PKD2: variants seen among roughly 807,000 people sequenced by gnomAD.
PKD2 encodes the protein polycystin-2.
PKD2 carries 48 observed loss-of-function variants against 105.9 expected under a neutral mutation model. That is an observed-to-expected ratio of 0.45 (90% CI 0.36 to 0.58). PKD2 has a LOEUF of 0.58. Among genes scored for constraint, PKD2 ranks in the 20% least tolerant of loss-of-function variants. The probability of loss-of-function intolerance (pLI) is 0.00; values close to 1 mark genes in which losing one functional copy is unlikely to be tolerated. For missense variants in PKD2, 1,078 were observed against 1,255.3 expected, an observed-to-expected ratio of 0.86 and a Z score of 2.13; for synonymous variants, 464 against 481.1, an observed-to-expected ratio of 0.96 and a Z score of 0.46.
rs377151072 is a variant in PKD2, at chr4:88,023,567, A to AT, written c.709+4004dup. Among the ~76,000 whole-genome samples the AT allele has an allele frequency of 4.6e-3, 698 of 152,130 alleles. 5 individuals are homozygous for AT. The highest frequency in any genetic ancestry group is 0.016 in the African/African-American group (650 of 41,482). On this transcript the variant is annotated intron_variant, in intron 2 of 14. Coordinates refer to ENST00000237596, the MANE Select transcript of PKD2 (RefSeq NM_000297.4). ...GTTTGGCACAGTAAGAAAAGTACAGATTTTTTTTGCATCAGACAGACCTGA... is the reference window on the plus strand; with the variant it reads ...GTTTGGCACAGTAAGAAAAGTACAGATTTTTTTTTGCATCAGACAGACCTGA...
chr4:88,070,910 C>T (rs1721009473), intron 13 of PKD2, among the ~76,000 whole-genome samples: 1 of 151,886 alleles, frequency 6.6e-6, no homozygotes, highest in South Asian at 2.1e-4. Context: ...GCTGGGGTCA[C>T]AGGTATGAGC....
At chr4:88,028,161 C>A (rs1192304322) in intron 2 of PKD2, among the ~76,000 whole-genome samples, 3 of 152,310 alleles carry the variant, frequency 2.0e-5, no homozygotes, top group Admixed American at 1.3e-4. Context: ...ATTTGTTTAT[C>A]TCTGAAAGAA....
chr4:88,050,910 A>C (rs117699684), intron 6 of PKD2, among the ~76,000 whole-genome samples: 2 of 152,118 alleles, frequency 1.3e-5, no homozygotes, highest in African/African-American at 2.4e-5. Flanking sequence ...TGGGACCATG[A>C]TCTCTATGGT....
chr4:88,053,573 C>T (rs114211673), intron 7 of PKD2, among the ~76,000 whole-genome samples: 1 of 151,546 alleles, frequency 6.6e-6, no homozygotes, highest in African/African-American at 2.4e-5. Context: ...GGGAGGATTG[C>T]TTGAATCCAG....
intron 2 of PKD2, among the ~76,000 whole-genome samples, chr4:88,021,219 T>A (rs1207769909): frequency 1.3e-5 from 2 of 152,220 alleles, no homozygotes; most frequent in Non-Finnish European, 2.9e-5. Context: ...CAAAACTGAC[T>A]GAGCATTAGA....
chr4:88,023,745 T>G (rs1368147346), intron 2 of PKD2, among the ~76,000 whole-genome samples: 2 of 152,248 alleles, frequency 1.3e-5, no homozygotes, highest in African/African-American at 4.8e-5. Flanking sequence ...TAGGATGCTG[T>G]CTGTCATACA....
At chr4:88,074,268 G>C (rs1721145060) in intron 13 of PKD2, among the ~76,000 whole-genome samples, 1 of 152,154 alleles carries the variant, frequency 6.6e-6, no homozygotes, top group African/African-American at 2.4e-5. Flanking sequence ...TTCCACCTCA[G>C]CCTCGCAAGT....
chr4:88,056,160 G>C lies in PKD2; in HGVS notation c.1791G>C (p.Leu597=), dbSNP rs775625908. 6.2e-7 allele frequency: 1 copy of C among 1,612,506 alleles called. No homozygotes were observed. Among genetic ancestry groups the C allele is most frequent in the African/African-American group, 1.3e-5 (1 of 74,860 alleles). ...CCATGTCTCGATGTGCCAAAGACCT[G>C]TTTGGCTTTGCTATTATGTTCTTCA... The part of the protein sequence containing the change: ...STTMSRCAKD[L]FGFAIMFFII... The change falls in exon 8 of 15, where the codon CTG becomes CTC. Residue 597 remains leucine (L), a synonymous_variant. Coordinates refer to ENST00000237596, the MANE Select transcript of PKD2 (RefSeq NM_000297.4).
intron 1 of PKD2, among the ~76,000 whole-genome samples, chr4:88,013,221 G>A (rs1230643078): frequency 6.6e-6 from 1 of 152,154 alleles, no homozygotes; most frequent in Non-Finnish European, 1.5e-5. Flanking sequence ...CTTTGGGGTT[G>A]TGGTAAGGTT....
At chr4:88,013,744 G>C (rs1180118620) in intron 1 of PKD2, among the ~76,000 whole-genome samples, 2 of 151,960 alleles carry the variant, frequency 1.3e-5, no homozygotes, top group East Asian at 3.9e-4. Flanking sequence ...GATTTACCTG[G>C]AGAGGTCAGA....
At chr4:88,070,228 T>G (rs1271007391) in intron 13 of PKD2, among the ~76,000 whole-genome samples, 1 of 152,206 alleles carries the variant, frequency 6.6e-6, no homozygotes, top group Non-Finnish European at 1.5e-5. Flanking sequence ...CCCTTGTACA[T>G]GATGACTCAA....
chr4:88,019,327 AT>A, intron 1 of PKD2, 130 bp from the exon 2 acceptor site: 1 of 628,380 alleles, frequency 1.6e-6, no homozygotes, highest in East Asian at 2.8e-5. Flanking sequence ...TCAAAATGTG[AT>A]TAAAAAAAAA....
chr4:88,031,974 G>A (rs1298332954), intron 2 of PKD2, among the ~76,000 whole-genome samples: 2 of 152,054 alleles, frequency 1.3e-5, no homozygotes, highest in East Asian at 1.9e-4. Flanking sequence ...AAAATATTTT[G>A]TTCCTGATAA....
intron 2 of PKD2, among the ~76,000 whole-genome samples, chr4:88,026,881 A>G (rs570564085): frequency 2.3e-4 from 35 of 152,326 alleles, no homozygotes; most frequent in African/African-American, 8.2e-4. Flanking sequence ...AGAGGGTACA[A>G]ATCCCAAGCA....
At chr4:88,048,252 C>A (rs1282455140) in intron 6 of PKD2, among the ~76,000 whole-genome samples, 3 of 152,138 alleles carry the variant, frequency 2.0e-5, no homozygotes, top group African/African-American at 4.8e-5. Flanking sequence ...CTTCTGTTAG[C>A]CCTCCTTATG....
At chr4:88,070,861 C>G (rs928313527) in intron 13 of PKD2, among the ~76,000 whole-genome samples, 1 of 151,926 alleles carries the variant, frequency 6.6e-6, no homozygotes, top group Non-Finnish European at 1.5e-5. Context: ...TCTCAAACTC[C>G]CGGCCTCAAG....
At chr4:88,075,052 A>C in intron 14 of PKD2, 93 bp downstream of exon 14, 2 of 1,384,370 alleles carry the variant, frequency 1.4e-6, no homozygotes, top group South Asian at 2.4e-5. Flanking sequence ...GTATTGAAGA[A>C]GAGTAAAAAA....
chr4:88,031,282 T>C (rs1300866530), intron 2 of PKD2, among the ~76,000 whole-genome samples: 1 of 152,240 alleles, frequency 6.6e-6, no homozygotes, highest in Non-Finnish European at 1.5e-5. Flanking sequence ...TTAAATGCAT[T>C]TTCAACTTAT....
At chr4:88,059,899 C>T (rs1720505571) in intron 9 of PKD2, among the ~76,000 whole-genome samples, 1 of 152,128 alleles carries the variant, frequency 6.6e-6, no homozygotes, top group Admixed American at 6.5e-5. Flanking sequence ...TAGTTTATTG[C>T]CCCTGTTTAG....
Sources: gnomAD v4.1 joint callset for allele counts (sites outside exome capture counted in the v4.1 genomes callset) on GRCh38, gnomAD v4.1.1 for gene constraint, MANE v1.5 for transcripts, NCBI Gene and HGNC (gene_info 2026-07-23, HGNC 2026-07-21) for gene names.